The following NINL variants were observed in gnomAD, a reference collection of about 807,000 sequenced individuals.
NINL encodes the protein ninein-like protein.
Under a neutral mutation model 160.3 loss-of-function variants are expected in NINL, and 153 were observed. The ratio of observed to expected loss-of-function variants is 0.95; its 90% confidence interval spans 0.84 to 1.09. The LOEUF (loss-of-function observed/expected upper bound fraction) is 1.09, where lower values mean the gene tolerates loss of function less well. Among genes scored for constraint, NINL ranks in the 50% least tolerant of loss-of-function variants. The pLI is 0.00. For missense variants in NINL, 1,829 were observed against 1,764.0 expected (o/e 1.04, Z -0.66); for synonymous variants, 800 against 734.8 (o/e 1.09, Z -1.43).
chr20:25,557,668 A>G (rs1394373345), intron 1 of NINL, among the ~76,000 whole-genome samples: 2 of 152,218 alleles, frequency 1.3e-5, no homozygotes, highest in African/African-American at 4.8e-5. Flanking sequence ...ATAAAGCGAA[A>G]CTCAACAGAA....
At chr20:25,480,585 T>C (rs1292756910) in intron 14 of NINL, among the ~76,000 whole-genome samples, 2 of 152,090 alleles carry the variant, frequency 1.3e-5, no homozygotes, top group Non-Finnish European at 1.5e-5. Flanking sequence ...ACGGAGGAAA[T>C]GGAAGGACAT....
intron 1 of NINL, among the ~76,000 whole-genome samples, chr20:25,569,696 AG>A (rs1462832787): frequency 6.6e-6 from 1 of 152,202 alleles, no homozygotes; most frequent in Admixed American, 6.5e-5. Flanking sequence ...ATTCCCTCAG[AG>A]GCAGAAGGCA....
intron 2 of NINL, among the ~76,000 whole-genome samples, chr20:25,519,739 G>C (rs942131879): frequency 1.3e-5 from 2 of 151,994 alleles, no homozygotes; most frequent in Non-Finnish European, 2.9e-5. Context: ...GAGAATGGCC[G>C]GGTGCGGTGG....
At chr20:25,480,300 C>T (rs1437670816) in intron 14 of NINL, 33 bp from the exon 15 acceptor site, 2 of 1,580,344 alleles carry the variant, frequency 1.3e-6, no homozygotes, top group Non-Finnish European at 1.7e-6. Flanking sequence ...GTTTGTCACA[C>T]TGAGGATGCC....
Position 25,563,000 on chromosome 20 carries a change from A to T in NINL, c.-12+22455T>A, listed in dbSNP as rs141292551. 7.6e-3 allele frequency among the ~76,000 whole-genome samples: 1,163 copies of T among 152,270 alleles called. 17 individuals are homozygous for T. Among genetic ancestry groups the T allele is most frequent in the African/African-American group, 0.027 (1,104 of 41,550 alleles). Reference sequence around the variant, plus strand: ...GCTAACACGGTGAAATCCCATCTCTACTAAAAATACAAAAAATTAGCTGGG... The same window carrying T: ...GCTAACACGGTGAAATCCCATCTCTTCTAAAAATACAAAAAATTAGCTGGG... On this transcript the variant is annotated intron_variant, in intron 1 of 23. Coordinates refer to ENST00000278886, the MANE Select transcript of NINL (RefSeq NM_025176.6).
chr20:25,455,448 G>A (rs1339698661), intron 23 of NINL, among the ~76,000 whole-genome samples: 3 of 152,146 alleles, frequency 2.0e-5, no homozygotes, highest in Admixed American at 6.5e-5. Context: ...ACAAATGAAC[G>A]GATGAGTCCT....
At chr20:25,550,438 T>C (rs1012979333) in intron 1 of NINL, among the ~76,000 whole-genome samples, 34 of 151,904 alleles carry the variant, frequency 2.2e-4, no homozygotes, top group Non-Finnish European at 5.9e-5. Flanking sequence ...AAAGTATAGA[T>C]GAGGAAAAGT....
At chr20:25,479,244 C>T (rs1395831862) in intron 15 of NINL, 38 bp from the exon 16 acceptor site, 1 of 1,555,384 alleles carries the variant, frequency 6.4e-7, no homozygotes, top group East Asian at 2.3e-5. Context: ...ACCAGGAGAC[C>T]CTAAGAATGA....
At chr20:25,532,937 G>A (rs1483877649) in intron 1 of NINL, among the ~76,000 whole-genome samples, 3 of 152,132 alleles carry the variant, frequency 2.0e-5, no homozygotes, top group Admixed American at 1.3e-4. Context: ...AGCAAATGGA[G>A]GCAGTTGGAA....
At position 25,476,603 on chromosome 20, in the gene NINL, G is replaced by C. The variant is rs747510696; in HGVS notation, c.2688C>G (p.Ala896=). 3 of 1,597,140 alleles carry C rather than the reference G, an allele frequency of 1.9e-6. No individual in the cohort carries two copies. The highest frequency in any genetic ancestry group is 3.3e-5 in the Admixed American group (2 of 59,714). ...TCTCTGAGGGGCCGTGGGATGCCGG[G>C]GCAGGGGCGGGGGCCGGGCTCTGCG... ...EATQSPAPAP[A]PASHGPSERW... The change falls in exon 17 of 24, where the codon GCC becomes GCG. Residue 896 remains alanine, a synonymous_variant. Coordinates refer to ENST00000278886, the MANE Select transcript of NINL (RefSeq NM_025176.6).
rs145024026 is a variant in NINL at position 25,491,498 on chromosome 20, C to T, written c.1338G>A (p.Arg446=). Reference sequence around the variant, plus strand: ...CCACCTCAGACCGCAGGAGGCTCAGCCTTTCCCGGTACCCCTGCTCCAGAT... The same window carrying T: ...CCACCTCAGACCGCAGGAGGCTCAGTCTTTCCCGGTACCCCTGCTCCAGAT... The part of the protein sequence containing the change: ...IKHLEQGYRE[R]LSLLRSEVEA... Residue 446 remains arginine, a synonymous_variant, in exon 11 of 24, where the codon AGG becomes AGA. Transcript: ENST00000278886. 591 of 1,613,920 alleles carry T rather than the reference C, an allele frequency of 3.7e-4. No homozygotes were observed. The highest frequency in any genetic ancestry group is 4.7e-4 in the Non-Finnish European group (551 of 1,179,976).
rs760604049 is a variant in NINL at position 25,476,457 on chromosome 20, C to T, written c.2834G>A (p.Gly945Glu). ...GGTTTGCGAGGCGTCTCTCTCTGTT[C>T]CCAGCAGAGGCAGCTCCCGGGCTCC... ...QPGARELPLL[G>E]TERDASQTQP... Residue 945 changes from glycine (G) to glutamate (E), a missense_variant, in exon 17 of 24, where the codon GGA becomes GAA. Transcript: ENST00000278886. 3.6e-5 allele frequency: 58 copies of T among 1,607,790 alleles called. No homozygotes were observed. The highest frequency in any genetic ancestry group is 4.7e-5 in the Non-Finnish European group (55 of 1,179,816).
intron 1 of NINL, among the ~76,000 whole-genome samples, chr20:25,564,613 C>T (rs6115210): frequency 0.43 from 65,054 of 151,510 alleles, 15,481 homozygotes; most frequent in Admixed American, 0.54. Flanking sequence ...CCACCGCGCC[C>T]GGCCAATTTT....
At chr20:25,529,549 A>G (rs1045095878) in intron 1 of NINL, among the ~76,000 whole-genome samples, 3 of 152,208 alleles carry the variant, frequency 2.0e-5, no homozygotes, top group African/African-American at 4.8e-5. Flanking sequence ...AGACGAGTGA[A>G]CTGTGAACAT....
At chr20:25,458,864 G>A (rs1041840607) in intron 21 of NINL, 1 of 281,558 alleles carries the variant, frequency 3.6e-6, no homozygotes, top group South Asian at 6.9e-5. Flanking sequence ...TTCAAACAAC[G>A]ACCACGCCAG....
intron 1 of NINL, among the ~76,000 whole-genome samples, chr20:25,572,407 C>T (rs1011712113): frequency 6.6e-6 from 1 of 152,082 alleles, no homozygotes; most frequent in Non-Finnish European, 1.5e-5. Flanking sequence ...CCCCTCACTA[C>T]GGTGCTTGCT....
intron 2 of NINL, among the ~76,000 whole-genome samples, chr20:25,520,647 G>C (rs558277370): frequency 6.6e-6 from 1 of 152,214 alleles, no homozygotes; most frequent in African/African-American, 2.4e-5. Context: ...ATTCTTAAAG[G>C]ATATTTTTAC....
rs538126171 is a variant in NINL at position 25,462,530 on chromosome 20, G to A, written c.3435C>T (p.Tyr1145=). Residue 1145 remains tyrosine (Y), a synonymous_variant, in exon 20 of 24, where the codon TAC becomes TAT. Transcript: ENST00000278886. Reference sequence around the variant, plus strand: ...CATTGAGCTGGGATAATTGATCCTTGTAGTTCTGATTCTGGGGGAAAAAGT... The same window carrying A: ...CATTGAGCTGGGATAATTGATCCTTATAGTTCTGATTCTGGGGGAAAAAGT... The part of the protein sequence containing the change: ...MEVLNRQNQN[Y]KDQLSQLNVR... 1.2e-6 allele frequency: 2 copies of A among 1,607,246 alleles called. No homozygotes were observed. The highest frequency in any genetic ancestry group is 2.2e-5 in the East Asian group (1 of 44,862).
chr20:25,581,756 T>C (rs766657751), intron 1 of NINL, among the ~76,000 whole-genome samples: 1 of 152,224 alleles, frequency 6.6e-6, no homozygotes, highest in Non-Finnish European at 1.5e-5. Flanking sequence ...ACAGACACTG[T>C]TGGAACTTTG....
Sources: gnomAD v4.1 joint callset for allele counts (sites outside exome capture counted in the v4.1 genomes callset) on GRCh38, gnomAD v4.1.1 for gene constraint, MANE v1.5 for transcripts, NCBI Gene and HGNC (gene_info 2026-07-23, HGNC 2026-07-21) for gene names.